Variants in MAP2K6 observed in about 807,000 individuals in gnomAD.
MAP2K6 encodes mitogen-activated protein kinase kinase 6, also known as dual specificity mitogen-activated protein kinase kinase 6.
In MAP2K6, 16 loss-of-function variants were observed where a neutral mutation model predicts 53.7. That is an observed-to-expected ratio of 0.30 (90% CI 0.20 to 0.45). The LOEUF (loss-of-function observed/expected upper bound fraction) is 0.45. Among genes scored for constraint, MAP2K6 ranks in the 20% least tolerant of loss-of-function variants. The pLI is 1.00. For missense variants in MAP2K6, 204 were observed against 411.9 expected (o/e 0.50, Z 4.37); for synonymous variants, 132 against 143.1 (o/e 0.92, Z 0.55).
chr17:69,513,604 G>T (rs1344094766), intron 2 of MAP2K6, among the ~76,000 whole-genome samples: 2 of 152,080 alleles, frequency 1.3e-5, no homozygotes, highest in Non-Finnish European at 2.9e-5. Flanking sequence ...GGCTACATGG[G>T]CCACAGAGGA....
rs1203785233 is a variant in MAP2K6, at chr17:69,494,861, C to T, written c.17-10919C>T. 6.6e-6 allele frequency among the ~76,000 whole-genome samples: 1 copy of T among 151,618 alleles called. No homozygotes were observed. Among genetic ancestry groups the T allele is most frequent in the Non-Finnish European group, 1.5e-5 (1 of 67,878 alleles). On this transcript the variant is annotated intron_variant, in intron 1 of 11. Transcript: ENST00000590474. This position sits in a 1 kb window ranked among gnomAD's most constrained non-coding sequence, Gnocchi z 4.2. ...TTTCTACTAAAAATACAAAATTAGC[C>T]GGGCATGGTGGCGCACTTCTGTAAT...
chr17:69,495,291 T>C (rs1489345357), intron 1 of MAP2K6, among the ~76,000 whole-genome samples: 1 of 151,864 alleles, frequency 6.6e-6, no homozygotes, highest in East Asian at 1.9e-4. Flanking sequence ...CAAGCTGGAG[T>C]GCAGTGGCGA....
chr17:69,492,226 C>T (rs1310243976), intron 1 of MAP2K6, among the ~76,000 whole-genome samples: 1 of 152,070 alleles, frequency 6.6e-6, no homozygotes, highest in Non-Finnish European at 1.5e-5. Context: ...AATCTTTGCC[C>T]ATTCCTATGG....
At chr17:69,461,141 T>C (rs1167739088) in intron 1 of MAP2K6, among the ~76,000 whole-genome samples, 14 of 152,192 alleles carry the variant, frequency 9.2e-5, no homozygotes, top group Non-Finnish European at 2.9e-5. Context: ...ATGTGAGTGG[T>C]ATTCCCTTAT....
In MAP2K6 at chr17:69,553,098, T is replaced by C. The variant is rs191581369; in HGVS notation, c.*11345T>C. On this transcript the variant is annotated 3_prime_UTR_variant, in exon 12 of 12. Transcript: ENST00000590474. The stretch of plus-strand genomic sequence containing the variant: ...GGTCCCTATTCTTGAGAAATTCATC[T>C]TTTCATGCAAATAACATTGATGGGG... 77 of 152,332 alleles carry C rather than the reference T, an allele frequency of 5.1e-4. No homozygotes were observed. Among genetic ancestry groups the C allele is most frequent in the Admixed American group, 1.4e-3 (21 of 15,304 alleles). 9.4% of individuals were successfully genotyped at this position (152,332 alleles called of 1,614,324 possible).
chr17:69,494,728 G>A lies in MAP2K6; in HGVS notation c.17-11052G>A, dbSNP rs1203950593. On this transcript the variant is annotated intron_variant, in intron 1 of 11. Transcript: ENST00000590474. This position sits in a 1 kb window ranked among gnomAD's most constrained non-coding sequence, Gnocchi z 4.2. ...CAGAGTGCTATTAAAATTGTGGGCC[G>A]GGCGTGGTGGCTCATGCCTGTAATC... Among the ~76,000 whole-genome samples the A allele has an allele frequency of 1.3e-5, 2 of 151,572 alleles. No homozygotes were observed. Among genetic ancestry groups the A allele is most frequent in the Admixed American group, 1.3e-4 (2 of 15,226 alleles).
intron 10 of MAP2K6, among the ~76,000 whole-genome samples, chr17:69,529,672 G>A (rs1212964580): frequency 1.3e-5 from 2 of 151,436 alleles, no homozygotes; most frequent in Non-Finnish European, 2.9e-5. Context: ...CACCACGCCC[G>A]GCTAATTTTT....
intron 1 of MAP2K6, among the ~76,000 whole-genome samples, chr17:69,437,058 C>T (rs1359095168): frequency 6.6e-6 from 1 of 152,052 alleles, no homozygotes; most frequent in Non-Finnish European, 1.5e-5. Context: ...AACTTCTGAC[C>T]TCAGGCGATC....
chr17:69,469,281 G>C (rs1015633928), intron 1 of MAP2K6, among the ~76,000 whole-genome samples: 1 of 152,138 alleles, frequency 6.6e-6, no homozygotes, highest in Non-Finnish European at 1.5e-5. Context: ...CCACTTTTAA[G>C]GACTATTTTG....
chr17:69,506,975 G>A lies in MAP2K6; in HGVS notation c.83+1129G>A, dbSNP rs566595368. On this transcript the variant is annotated intron_variant, in intron 2 of 11. Coordinates refer to ENST00000590474, the MANE Select transcript of MAP2K6 (RefSeq NM_002758.4). The stretch of plus-strand genomic sequence containing the variant: ...TCTCTTTTTTTTTTCTTTTTTTTTC[G>A]GTCTCTCTGAGCAATTTCTTTTTCT... Among the ~76,000 whole-genome samples the A allele has an allele frequency of 5.7e-4, 82 of 144,944 alleles. 3 individuals are homozygous for A. Among genetic ancestry groups the A allele is most frequent in the Admixed American group, 1.9e-3 (28 of 14,478 alleles).
rs1042997943 is a variant in MAP2K6, at chr17:69,533,497, G to A, written c.882-2618G>A. 1.3e-3 allele frequency among the ~76,000 whole-genome samples: 192 copies of A among 152,244 alleles called. 2 individuals are homozygous for A. Among genetic ancestry groups the A allele is most frequent in the Non-Finnish European group, 1.8e-3 (125 of 68,018 alleles). ...TTGGTTCTGTTGTTGACCAATGAAA[G>A]CTAGTAACGGAGTGGGCCTGGGTCC... On this transcript the variant is annotated intron_variant, in intron 10 of 11. Coordinates refer to ENST00000590474, the MANE Select transcript of MAP2K6 (RefSeq NM_002758.4).
At chr17:69,481,102 T>A (rs1355890180) in intron 1 of MAP2K6, among the ~76,000 whole-genome samples, 3 of 152,202 alleles carry the variant, frequency 2.0e-5, no homozygotes, top group Non-Finnish European at 4.4e-5. Flanking sequence ...TTTTTCATTT[T>A]ATAAAACTGA....
At chr17:69,444,919 A>C (rs1049219200) in intron 1 of MAP2K6, among the ~76,000 whole-genome samples, 7 of 151,978 alleles carry the variant, frequency 4.6e-5, no homozygotes, top group Non-Finnish European at 1.0e-4. Context: ...ATTTTCTTTT[A>C]TTTTTATTTT....
intron 1 of MAP2K6, chr17:69,485,364 A>G (rs1286699850): frequency 2.5e-6 from 1 of 405,792 alleles, no homozygotes; most frequent in African/African-American, 2.2e-5. Context: ...AGAAGAAAGA[A>G]GGAAGTTTTA....
chr17:69,423,549 C>G (rs1430972961), intron 1 of MAP2K6, among the ~76,000 whole-genome samples: 2 of 152,218 alleles, frequency 1.3e-5, no homozygotes, highest in Non-Finnish European at 2.9e-5. Context: ...ACATTCCTCT[C>G]TGGCTTTAAT....
intron 1 of MAP2K6, among the ~76,000 whole-genome samples, chr17:69,426,634 A>G (rs905905831): frequency 6.6e-6 from 1 of 152,178 alleles, no homozygotes; most frequent in African/African-American, 2.4e-5. Context: ...AGTCCTATGA[A>G]TAAGAGAGAG....
chr17:69,463,655 T>A (rs1907703057), intron 1 of MAP2K6, among the ~76,000 whole-genome samples: 1 of 151,432 alleles, frequency 6.6e-6, no homozygotes, highest in Non-Finnish European at 1.5e-5. Context: ...TATACATACA[T>A]ACACATACAT....
At chr17:69,450,083 C>T (rs1907162683) in intron 1 of MAP2K6, among the ~76,000 whole-genome samples, 1 of 147,836 alleles carries the variant, frequency 6.8e-6, no homozygotes, top group South Asian at 2.2e-4. Flanking sequence ...TACAGGTGTG[C>T]ACTACCACAC....
intron 1 of MAP2K6, among the ~76,000 whole-genome samples, chr17:69,423,380 C>T (rs749999400): frequency 1.2e-4 from 18 of 152,170 alleles, no homozygotes; most frequent in Non-Finnish European, 7.3e-5. Context: ...GCTCTTTGCT[C>T]GACAGCTGTC....
Sources: allele counts gnomAD v4.1 joint callset (sites outside exome capture counted in the v4.1 genomes callset), GRCh38; gene constraint gnomAD v4.1.1; non-coding constraint Gnocchi (gnomAD v3.1); transcripts MANE v1.5; gene names NCBI Gene and HGNC (gene_info 2026-07-23, HGNC 2026-07-21).